Variants in DNAJC24 observed in about 807,000 individuals in gnomAD.
DNAJC24 encodes dnaJ homolog subfamily C member 24.
In DNAJC24, 17 loss-of-function variants were observed where a neutral mutation model predicts 18.0. The ratio of observed to expected loss-of-function variants is 0.94; its 90% CI spans 0.65 to 1.42. DNAJC24 has a LOEUF of 1.42. Among genes scored for constraint, DNAJC24 ranks in the 40% most tolerant of loss-of-function variants. DNAJC24 has a pLI of 0.00. For synonymous variants in DNAJC24, 55 were observed against 57.7 expected, an observed-to-expected ratio of 0.95 and a Z score of 0.21; for missense variants, 158 against 175.6, an observed-to-expected ratio of 0.90 and a Z score of 0.57.
At chr11:31,412,094 A>G (rs2133495551) in intron 2 of DNAJC24, among the ~76,000 whole-genome samples, 1 of 152,282 alleles carries the variant, frequency 6.6e-6, no homozygotes, top group Non-Finnish European at 1.5e-5. Context: ...CAAATTAGGG[A>G]AAGAGATTGA....
intron 2 of DNAJC24, among the ~76,000 whole-genome samples, chr11:31,382,456 A>G (rs796962874): frequency 6.6e-5 from 10 of 152,356 alleles, no homozygotes; most frequent in African/African-American, 2.4e-4. Context: ...AGATGCATTT[A>G]AAGAATCATG....
chr11:31,399,421 T>A (rs1952576326), intron 2 of DNAJC24, among the ~76,000 whole-genome samples: 1 of 150,412 alleles, frequency 6.6e-6, no homozygotes. Flanking sequence ...TCTCTTTTTT[T>A]TTTTTTTTTT....
intron 2 of DNAJC24, among the ~76,000 whole-genome samples, chr11:31,391,171 C>A (rs1249454901): frequency 6.6e-6 from 1 of 152,072 alleles, no homozygotes; most frequent in Non-Finnish European, 1.5e-5. Context: ...GACAAAAACC[C>A]TTGAGAAACT....
chr11:31,430,446 G>T lies in DNAJC24; in HGVS notation c.*45G>T. 6.5e-7 allele frequency: 1 copy of T among 1,537,320 alleles called. No homozygotes were observed. Among genetic ancestry groups the T allele is most frequent in the Non-Finnish European group, 8.8e-7 (1 of 1,133,454 alleles). ...TGCTTTAACTGTGGTATTGAGACAT[G>T]ATGAGAAGCCGTTGAGCTTTGTCCA... is the stretch of plus-strand genomic sequence containing the variant. On this transcript the variant is annotated 3_prime_UTR_variant, in exon 5 of 5. Coordinates refer to ENST00000465995, the MANE Select transcript of DNAJC24 (RefSeq NM_181706.5).
At position 31,432,821 on chromosome 11, in the gene DNAJC24, A is replaced by G. The variant is rs892006507; in HGVS notation, c.*2420A>G. On this transcript the variant is annotated 3_prime_UTR_variant, in exon 5 of 5. Coordinates refer to ENST00000465995, the MANE Select transcript of DNAJC24 (RefSeq NM_181706.5). The stretch of plus-strand genomic sequence containing the variant: ...TTATATGTGTGTGGTGTGTGAATAA[A>G]TATGTATGAATATATGGTCTGTGTT... 1.3e-5 allele frequency among the ~76,000 whole-genome samples: 2 copies of G among 152,214 alleles called. No homozygotes were observed. The highest frequency in any genetic ancestry group is 2.9e-5 in the Non-Finnish European group (2 of 68,020).
At chr11:31,374,316 T>C (rs576109504) in intron 2 of DNAJC24, 1 of 149,356 alleles carries the variant, frequency 6.7e-6, no homozygotes, top group African/African-American at 2.5e-5. Context: ...TATTTAAATT[T>C]GTTAGATCCT....
intron 3 of DNAJC24, chr11:31,422,124 C>A (rs1328167082): frequency 4.8e-6 from 1 of 209,148 alleles, no homozygotes; most frequent in Non-Finnish European, 1.0e-5. Flanking sequence ...TTGAAAGATT[C>A]TTTTTCAAGT....
chr11:31,370,495 T>C (rs1952212557), intron 1 of DNAJC24, among the ~76,000 whole-genome samples: 1 of 152,174 alleles, frequency 6.6e-6, no homozygotes, highest in Admixed American at 6.5e-5. Flanking sequence ...AATTAAAGTA[T>C]AAATATATAT....
At chr11:31,414,078 A>G (rs1418203574) in intron 2 of DNAJC24, among the ~76,000 whole-genome samples, 1 of 152,212 alleles carries the variant, frequency 6.6e-6, no homozygotes, top group Non-Finnish European at 1.5e-5. Flanking sequence ...GAATTGGCAT[A>G]AAACTTCTGG....
intron 2 of DNAJC24, among the ~76,000 whole-genome samples, chr11:31,376,893 TACTC>T (rs1489428552): frequency 6.6e-6 from 1 of 152,184 alleles, no homozygotes; most frequent in Non-Finnish European, 1.5e-5. Context: ...TTAGTTTTCT[TACTC>T]TTTTTGCATA....
chr11:31,413,230 T>TA lies in DNAJC24; in HGVS notation c.112-1572dup, dbSNP rs201926567. ...AAACTTGGAAAAAAGAGTAAGAAATTAAAAAAAAACTATTCTACATTAAAA... is the reference window on the plus strand; with the variant it reads ...AAACTTGGAAAAAAGAGTAAGAAATTAAAAAAAAAACTATTCTACATTAAAA... On this transcript the variant is annotated intron_variant, in intron 2 of 4. Transcript: ENST00000465995. Among the ~76,000 whole-genome samples the TA allele has an allele frequency of 3.1e-3, 458 of 148,832 alleles. 2 individuals carry two copies. The highest frequency in any genetic ancestry group is 0.01 in the African/African-American group (414 of 40,686).
At chr11:31,393,991 G>T (rs1357821421) in intron 2 of DNAJC24, among the ~76,000 whole-genome samples, 3 of 152,110 alleles carry the variant, frequency 2.0e-5, no homozygotes, top group Middle Eastern at 6.8e-3. Flanking sequence ...CTTGTTTTAT[G>T]TTTGTTTTTG....
intron 3 of DNAJC24, among the ~76,000 whole-genome samples, chr11:31,424,942 G>A (rs1952846049): frequency 6.6e-6 from 1 of 151,866 alleles, no homozygotes; most frequent in Non-Finnish European, 1.5e-5. Context: ...ATTGGGGTGG[G>A]GAGTGGATTT....
At chr11:31,425,110 AAG>A (rs1952848633) in intron 3 of DNAJC24, among the ~76,000 whole-genome samples, 1 of 152,102 alleles carries the variant, frequency 6.6e-6, no homozygotes, top group African/African-American at 2.4e-5. Context: ...TGTTTTAAGC[AAG>A]AGAGTAGATG....
In DNAJC24 at chr11:31,432,693, A is replaced by G. The variant is rs926157268; in HGVS notation, c.*2292A>G. The G allele has an allele frequency of 5.0e-5, 33 of 660,378 alleles. No individual in the cohort carries two copies. Among genetic ancestry groups the G allele is most frequent in the South Asian group, 2.5e-4 (13 of 51,464 alleles). The allele number at this position is 660,378 out of a possible 1,614,324, so 40.9% of individuals were successfully genotyped here. On this transcript the variant is annotated 3_prime_UTR_variant, in exon 5 of 5. Transcript: ENST00000465995. ...AACACTTTCTCCTTACTCATCAATC[A>G]AGAATAAAATTTTCTACATCAAAGT...
At chr11:31,389,914 G>T (rs1348159035) in intron 2 of DNAJC24, among the ~76,000 whole-genome samples, 2 of 151,998 alleles carry the variant, frequency 1.3e-5, no homozygotes, top group Non-Finnish European at 2.9e-5. Flanking sequence ...ATGATCAGTG[G>T]GTCAATGAAG....
intron 2 of DNAJC24, among the ~76,000 whole-genome samples, chr11:31,411,500 T>C (rs956793027): frequency 1.1e-4 from 16 of 152,220 alleles, no homozygotes; most frequent in Non-Finnish European, 1.9e-4. Flanking sequence ...TTGGCAGCGC[T>C]GCACTCCCTC....
At chr11:31,422,031 A>G (rs1056602860) in intron 3 of DNAJC24, 2 of 411,334 alleles carry the variant, frequency 4.9e-6, no homozygotes, top group Admixed American at 5.5e-5. Context: ...TGTTGAGACA[A>G]TGGAGCCACA....
chr11:31,417,333 ATTG>A (rs1005543481), intron 3 of DNAJC24: 2 of 152,072 alleles, frequency 1.3e-5, no homozygotes, highest in African/African-American at 2.4e-5. Context: ...CTACTTTCAT[ATTG>A]TTATTTCTTT....
Sources: gnomAD v4.1 joint callset for allele counts (sites outside exome capture counted in the v4.1 genomes callset) on GRCh38, gnomAD v4.1.1 for gene constraint, MANE v1.5 for transcripts, NCBI Gene and HGNC (gene_info 2026-07-23, HGNC 2026-07-21) for gene names.